The following SPATA13 variants were observed in gnomAD, a reference collection of about 807,000 sequenced individuals.
The protein encoded by SPATA13 is spermatogenesis associated 13.
SPATA13 carries 50 observed loss-of-function variants against 104.0 expected under a neutral mutation model. The ratio of observed to expected loss-of-function variants is 0.48; its 90% CI spans 0.38 to 0.61. The LOEUF (loss-of-function observed/expected upper bound fraction) is 0.61. Ranked by LOEUF, SPATA13 falls within the 20% of genes least tolerant of loss-of-function variation. SPATA13 has a pLI of 0.00. For synonymous variants in SPATA13, 606 were observed against 667.5 expected (o/e 0.91, Z 1.42); for missense variants, 1,524 against 1,690.6 (o/e 0.90, Z 1.73).
At chr13:23,997,499 T>A (rs1444540939) in intron 2 of SPATA13, among the ~76,000 whole-genome samples, 1 of 152,246 alleles carries the variant, frequency 6.6e-6, no homozygotes, top group East Asian at 1.9e-4. Context: ...TCTTTCCATG[T>A]ATCACTAGTT....
chr13:24,092,514 C>G (rs1160926626), intron 3 of SPATA13, among the ~76,000 whole-genome samples: 5 of 152,072 alleles, frequency 3.3e-5, no homozygotes, highest in African/African-American at 1.2e-4. Flanking sequence ...ATAATGAAGT[C>G]ACATGGAAAC....
chr13:24,120,468 T>G (rs1266449858), intron 3 of SPATA13, among the ~76,000 whole-genome samples: 1 of 152,168 alleles, frequency 6.6e-6, no homozygotes, highest in African/African-American at 2.4e-5. Context: ...GGAGTTAAAT[T>G]TCTCCACCTT....
chr13:24,100,283 A>G (rs1880213998), intron 3 of SPATA13, among the ~76,000 whole-genome samples: 2 of 152,218 alleles, frequency 1.3e-5, no homozygotes, highest in Admixed American at 1.3e-4. Flanking sequence ...TGCATTGAAG[A>G]CGCTCATACT....
intron 1 of SPATA13, among the ~76,000 whole-genome samples, chr13:24,166,983 T>A (rs1882761142): frequency 6.6e-6 from 1 of 152,234 alleles, no homozygotes; most frequent in Non-Finnish European, 1.5e-5. Context: ...CTCTCAGAGT[T>A]TCAAAACCTT....
rs1875928349 is a variant in SPATA13, at chr13:24,286,231, C to T, written c.2319C>T (p.Asn773=). 10 of 1,612,600 alleles carry T rather than the reference C, an allele frequency of 6.2e-6. No homozygotes were observed. The highest frequency in any genetic ancestry group is 2.2e-5 in the East Asian group (1 of 44,838). ...LAINELISDG[N]VVCAEALWDH... is the part of the protein sequence containing the mutation. ...CCTTTCAGCTGATCAGTGATGGCAACGTGGTCTGCGCAGAAGCCCTGTGGG... is the reference window on the plus strand; with the variant it reads ...CCTTTCAGCTGATCAGTGATGGCAATGTGGTCTGCGCAGAAGCCCTGTGGG... The change falls in exon 6 of 13, where the codon AAC becomes AAT. Residue 773 remains asparagine, a synonymous_variant. Transcript: ENST00000382108. The surrounding 1 kb of genome is among the most constrained non-coding windows in gnomAD (Gnocchi z 4.9).
At chr13:24,264,093 A>T (rs1387120219) in intron 4 of SPATA13, among the ~76,000 whole-genome samples, 1 of 152,234 alleles carries the variant, frequency 6.6e-6, no homozygotes, top group Non-Finnish European at 1.5e-5. Context: ...ATTTTTTAGA[A>T]GGAATATAGT....
intron 3 of SPATA13, among the ~76,000 whole-genome samples, chr13:24,108,663 G>GGGT (rs34735514): frequency 6.6e-6 from 1 of 151,650 alleles, no homozygotes; most frequent in African/African-American, 2.4e-5. Context: ...TCATGGTAGG[G>GGGT]GGGGGGAAGC....
chr13:24,203,873 A>G (rs182309914), intron 1 of SPATA13, among the ~76,000 whole-genome samples: 118 of 152,308 alleles, frequency 7.7e-4, no homozygotes, highest in Admixed American at 1.4e-3. Context: ...ATATTTAATG[A>G]GCTGCCATTA....
intron 4 of SPATA13, among the ~76,000 whole-genome samples, chr13:24,280,165 C>T (rs547045434): frequency 1.3e-3 from 202 of 152,274 alleles, no homozygotes; most frequent in African/African-American, 4.6e-3. Context: ...GTGCGTACCA[C>T]GACCCCGGGT....
chr13:24,207,549 T>C (rs558473962), intron 1 of SPATA13, among the ~76,000 whole-genome samples: 7 of 85,626 alleles, frequency 8.2e-5, no homozygotes, highest in African/African-American at 2.5e-4. Flanking sequence ...CCACCAACAG[T>C]ACACCCGGGT....
At chr13:24,089,626 G>A (rs1039724364) in intron 3 of SPATA13, among the ~76,000 whole-genome samples, 3 of 152,140 alleles carry the variant, frequency 2.0e-5, no homozygotes, top group South Asian at 4.1e-4. Flanking sequence ...TCACCAAAAC[G>A]CCAAATAATT....
At chr13:24,117,643 T>G (rs879323252) in intron 3 of SPATA13, among the ~76,000 whole-genome samples, 1 of 152,022 alleles carries the variant, frequency 6.6e-6, no homozygotes, top group Admixed American at 6.6e-5. Flanking sequence ...CTTCCTAAAA[T>G]AGTCTTTAAG....
intron 3 of SPATA13, among the ~76,000 whole-genome samples, chr13:24,153,527 G>A (rs1468984826): frequency 6.6e-6 from 1 of 152,216 alleles, no homozygotes; most frequent in Non-Finnish European, 1.5e-5. Context: ...CCCTTCAGAT[G>A]ACAAAATCAG....
intron 3 of SPATA13, among the ~76,000 whole-genome samples, chr13:24,097,887 A>T (rs1188561983): frequency 2.0e-5 from 3 of 152,252 alleles, no homozygotes; most frequent in African/African-American, 7.2e-5. Flanking sequence ...CAAATTAAAC[A>T]TGAAAGGGAC....
chr13:24,214,944 C>T (rs1871200044), intron 1 of SPATA13, among the ~76,000 whole-genome samples: 1 of 152,222 alleles, frequency 6.6e-6, no homozygotes, highest in Non-Finnish European at 1.5e-5. Context: ...CCCCACTGAG[C>T]ATCTGACATA....
intron 4 of SPATA13, among the ~76,000 whole-genome samples, chr13:24,256,971 C>T (rs1039693469): frequency 6.6e-6 from 1 of 152,170 alleles, no homozygotes; most frequent in Non-Finnish European, 1.5e-5. Context: ...TCTTTGCCGC[C>T]TTTGCTTTGC....
rs374678681 is a variant in SPATA13 at position 24,116,483 on chromosome 13, G to A, written c.-112+98782G>A. ...GGGGGCATCTTGGAGGGTGGCTGCC[G>A]CAGTAGCATTTCCTGAGCCCATGCT... On this transcript the variant is annotated intron_variant, in intron 3 of 14. Coordinates refer to the SPATA13 transcript ENST00000424834. Among the ~76,000 whole-genome samples the A allele has an allele frequency of 5.3e-5, 8 of 152,272 alleles. No homozygotes were observed. In the East Asian group the frequency reaches 9.7e-4, roughly 18 times the overall value.
chr13:24,140,550 C>T (rs1306500458), intron 3 of SPATA13, among the ~76,000 whole-genome samples: 1 of 152,184 alleles, frequency 6.6e-6, no homozygotes, highest in Non-Finnish European at 1.5e-5. Flanking sequence ...CAAATTCAGC[C>T]TCTCCCTACA....
chr13:24,145,797 A>G (rs1365013978), intron 3 of SPATA13, among the ~76,000 whole-genome samples: 1 of 152,228 alleles, frequency 6.6e-6, no homozygotes, highest in Non-Finnish European at 1.5e-5. Flanking sequence ...GGAGACTAAG[A>G]CAGGAAAAAC....
Sources: allele counts gnomAD v4.1 joint callset (sites outside exome capture counted in the v4.1 genomes callset), GRCh38; gene constraint gnomAD v4.1.1; non-coding constraint Gnocchi (gnomAD v3.1); transcripts MANE v1.5; gene names NCBI Gene and HGNC (gene_info 2026-07-23, HGNC 2026-07-21).